The following MISP variants were observed in gnomAD, a reference collection of about 807,000 sequenced individuals.
MISP encodes mitotic spindle positioning, also known as mitotic interactor and substrate of PLK1.
Under a neutral mutation model 49.3 loss-of-function variants are expected in MISP, and 51 were observed. The observed-to-expected ratio is 1.03, with a 90% CI of 0.83 to 1.31. The LOEUF (loss-of-function observed/expected upper bound fraction) is 1.31. Ranked by LOEUF, MISP falls within the 50% of genes most tolerant of loss-of-function variation. The pLI is 0.00. For synonymous variants in MISP, 444 were observed against 392.6 expected (o/e 1.13, Z -1.55); for missense variants, 1,084 against 935.1 (o/e 1.16, Z -2.08).
Position 758,196 on chromosome 19 carries a change from T to A in MISP, c.1250T>A (p.Val417Glu). 6.2e-7 allele frequency: 1 copy of A among 1,612,350 alleles called. No homozygotes were observed. The highest frequency in any genetic ancestry group is 1.6e-4 in the Middle Eastern group (1 of 6,062). The change falls in exon 2 of 5, where the codon GTG becomes GAG. Residue 417 changes from valine (V) to glutamate (E), a missense_variant. Val to Glu is a moderately radical substitution (Grantham distance 121, BLOSUM62 -2). Coordinates refer to ENST00000215582, the MANE Select transcript of MISP (RefSeq NM_173481.4). Reference sequence around the variant, plus strand: ...GACCCAGCTCCAGAAGTGAGGAAGGTGAACCGCATCCCACCTGATGCCTAC... The same window carrying A: ...GACCCAGCTCCAGAAGTGAGGAAGGAGAACCGCATCCCACCTGATGCCTAC... Reference protein sequence around the residue: ...AADPAPEVRKVNRIPPDAYQP... With the variant: ...AADPAPEVRKENRIPPDAYQP...
rs750460205 is a variant in MISP at position 763,878 on chromosome 19, G to C, written c.*288G>C. On this transcript the variant is annotated 3_prime_UTR_variant, in exon 5 of 5. Transcript: ENST00000215582. ...TCTAAGACTTTGCCAAATGCCCTGG[G>C]TCTAAGAAAGAAAGAGACCCGCTCC... 26 of 399,180 alleles carry C rather than the reference G, an allele frequency of 6.5e-5. No homozygotes were observed. Among genetic ancestry groups the C allele is most frequent in the Non-Finnish European group, 1.1e-4 (23 of 217,626 alleles). The allele number at this position is 399,180 out of a possible 1,614,324, so 24.7% of individuals were successfully genotyped here.
intron 1 of MISP, among the ~76,000 whole-genome samples, chr19:751,799 A>T (rs1404320112): frequency 6.6e-6 from 1 of 152,140 alleles, no homozygotes; most frequent in Admixed American, 6.5e-5. Context: ...GAGCCCAAGG[A>T]GCTGAGATGA....
intron 4 of MISP, among the ~76,000 whole-genome samples, chr19:762,594 C>T (rs528962306): frequency 6.0e-4 from 92 of 152,258 alleles, no homozygotes; most frequent in Admixed American, 1.3e-3. Context: ...TGAGACTATT[C>T]AAGCCAAGCC....
intron 1 of MISP, among the ~76,000 whole-genome samples, chr19:751,638 G>A (rs947779910): frequency 1.3e-5 from 2 of 152,128 alleles, no homozygotes; most frequent in Non-Finnish European, 2.9e-5. Context: ...TTGGGGACAC[G>A]GAGGAGGGGT....
At chr19:761,082 G>A (rs185152432) in intron 3 of MISP, among the ~76,000 whole-genome samples, 1 of 129,436 alleles carries the variant, frequency 7.7e-6, no homozygotes, top group Admixed American at 8.2e-5. Flanking sequence ...GGAATATTAT[G>A]TCCTTTTTTT....
chr19:760,285 C>A, intron 3 of MISP: 1 of 429,294 alleles, frequency 2.3e-6, no homozygotes. Context: ...AGGTCATCTC[C>A]AGGATCAAAG....
At chr19:749,078 C>T (rs917540564), upstream of MISP, among the ~76,000 whole-genome samples, 1 of 152,110 alleles carries the variant, frequency 6.6e-6, no homozygotes, top group Admixed American at 6.6e-5. Flanking sequence ...GCGGAGGCTG[C>T]AGTGAGCTGA....
upstream of MISP, among the ~76,000 whole-genome samples, chr19:750,760 G>A (rs997892295): frequency 1.2e-4 from 19 of 152,124 alleles, no homozygotes; most frequent in African/African-American, 4.1e-4. Flanking sequence ...CAGCCCCTCC[G>A]GCCCCCCAGG....
At chr19:749,719 A>G (rs2033430042), upstream of MISP, among the ~76,000 whole-genome samples, 1 of 152,164 alleles carries the variant, frequency 6.6e-6, no homozygotes, top group African/African-American at 2.4e-5. Flanking sequence ...AATCCCAGCT[A>G]CTAGGGAAGC....
intron 2 of MISP, among the ~76,000 whole-genome samples, chr19:759,377 T>C (rs1359868384): frequency 6.7e-6 from 1 of 148,388 alleles, no homozygotes; most frequent in East Asian, 2.0e-4. Context: ...CAATATGAAA[T>C]ATTCCTTGTG....
rs759903618 is a variant in MISP at position 757,936 on chromosome 19, G to A, written c.990G>A (p.Leu330=). Residue 330 remains leucine (L), a synonymous_variant, in exon 2 of 5, where the codon CTG becomes CTA. Coordinates refer to ENST00000215582, the MANE Select transcript of MISP (RefSeq NM_173481.4). ...TGGTGGAAATCCCCACCAGGCCGCT[G>A]CTGACCAAGCTGAGCCTGATCACAG... ...QELVEIPTRP[L]LTKLSLITAP... 9.4e-6 allele frequency: 15 copies of A among 1,600,218 alleles called. No individual in the cohort carries two copies. The South Asian group carries it at 1.5e-4, about 16-fold the overall frequency.
upstream of MISP, among the ~76,000 whole-genome samples, chr19:750,646 AC>A: frequency 6.6e-6 from 1 of 151,538 alleles, no homozygotes; most frequent in South Asian, 2.1e-4. Flanking sequence ...GCCACACCAA[AC>A]CCCCCCGAGT....
At chr19:752,225 C>A (rs1231716249) in intron 1 of MISP, among the ~76,000 whole-genome samples, 1 of 152,192 alleles carries the variant, frequency 6.6e-6, no homozygotes. Context: ...TTAGCCACCG[C>A]CGGGCCTTGC....
intron 3 of MISP, chr19:760,317 G>A (rs1276955674): frequency 3.2e-6 from 1 of 317,432 alleles, no homozygotes. Context: ...AACTCTGCTT[G>A]GAGGAGGAGG....
chr19:759,016 T>C (rs1023240120), intron 2 of MISP, among the ~76,000 whole-genome samples: 6 of 152,166 alleles, frequency 3.9e-5, no homozygotes, highest in African/African-American at 1.4e-4. Context: ...TTTGTTTTTG[T>C]TTTTTGTTTT....
At position 759,844 on chromosome 19, in the gene MISP, ACT is replaced by A. The variant is rs1239100123; in HGVS notation, c.1781-62_1781-61del. ...CTGTCTCCTTAGCTGCTGGCTAGAG[ACT>A]CTGTCTCCCGAGCAGAGGTCTGACA... On this transcript the variant is annotated intron_variant, in intron 2 of 4. Coordinates refer to ENST00000215582, the MANE Select transcript of MISP (RefSeq NM_173481.4). 14 of 1,584,508 alleles carry A rather than the reference ACT, an allele frequency of 8.8e-6. No homozygotes were observed. The African/African-American group carries it at 1.2e-4, about 14-fold the overall frequency.
rs1469359302 is a variant in MISP, at chr19:764,198, A to G, written c.*608A>G. ...TGGTGGACACAAAGCTCTCACATCG[A>G]TAGGATCCCATGAGGATGGTCCCCT... On this transcript the variant is annotated 3_prime_UTR_variant, in exon 5 of 5. Coordinates refer to ENST00000215582, the MANE Select transcript of MISP (RefSeq NM_173481.4). The G allele has an allele frequency of 6.6e-6, 1 of 152,352 alleles. No homozygotes were observed. Among genetic ancestry groups the G allele is most frequent in the Non-Finnish European group, 1.5e-5 (1 of 68,178 alleles). The allele number at this position is 152,352 out of a possible 1,614,324, so 9.4% of individuals were successfully genotyped here. A position where few individuals can be genotyped will look rare whatever the true frequency, so the allele number is the denominator to read the frequency against.
chr19:757,498 C>G lies in MISP; in HGVS notation c.552C>G (p.Asn184Lys). The G allele has an allele frequency of 6.2e-7, 1 of 1,603,156 alleles. No homozygotes were observed. Among genetic ancestry groups the G allele is most frequent in the Non-Finnish European group, 8.5e-7 (1 of 1,175,598 alleles). The part of the protein sequence containing the change: ...GPPRSTPLEE[N>K]VVDREQIDFL... ...CTCGGTCCACGCCCCTGGAGGAGAA[C>G]GTGGTTGACAGGGAGCAGATTGACT... Residue 184 changes from asparagine to lysine, a missense_variant, in exon 2 of 5, where the codon AAC becomes AAG. Asn to Lys is a moderately conservative substitution (Grantham distance 94). Coordinates refer to ENST00000215582, the MANE Select transcript of MISP (RefSeq NM_173481.4).
At chr19:754,936 G>C (rs2033523632) in intron 1 of MISP, among the ~76,000 whole-genome samples, 1 of 148,396 alleles carries the variant, frequency 6.7e-6, no homozygotes, top group African/African-American at 2.4e-5. Context: ...GGTTTGGGTG[G>C]AAGAGGAGGG....
Sources: gnomAD v4.1 joint callset for allele counts (sites outside exome capture counted in the v4.1 genomes callset) on GRCh38, gnomAD v4.1.1 for gene constraint, MANE v1.5 for transcripts, NCBI Gene and HGNC (gene_info 2026-07-23, HGNC 2026-07-21) for gene names.